The following INTS9 variants were observed in gnomAD, a reference collection of about 807,000 sequenced individuals.
The protein encoded by INTS9 is integrator complex subunit 9.
INTS9 carries 55 observed loss-of-function variants against 79.7 expected under a neutral mutation model. That is an observed-to-expected ratio of 0.69 (90% CI 0.56 to 0.86). The LOEUF (loss-of-function observed/expected upper bound fraction) is 0.86. Among genes scored for constraint, INTS9 ranks in the 40% least tolerant of loss-of-function variants. The pLI, the probability that INTS9 is intolerant of heterozygous loss-of-function variation, is 0.00. For missense variants in INTS9, 721 were observed against 831.5 expected (o/e 0.87, Z 1.64); for synonymous variants, 319 against 325.2 (o/e 0.98, Z 0.20).
chr8:28,876,558 C>A (rs1809399810), intron 1 of INTS9, among the ~76,000 whole-genome samples: 1 of 152,120 alleles, frequency 6.6e-6, no homozygotes, highest in Non-Finnish European at 1.5e-5. Flanking sequence ...GTCAGTATCA[C>A]AGTCACCTGA....
In INTS9 at chr8:28,767,907, CCTT is replaced by C; in HGVS notation, c.*236_*238del. ...GTCCCACTTCTGCCACCCTCCAGCT[CCTT>C]GAGAGAGCCAGAGTTGAGAAGAAAA... On this transcript the variant is annotated 3_prime_UTR_variant, in exon 17 of 17. Coordinates refer to ENST00000521022, the MANE Select transcript of INTS9 (RefSeq NM_018250.4). 1 of 507,082 alleles carries C rather than the reference CCTT, an allele frequency of 2.0e-6. No individual in the cohort carries two copies. Among genetic ancestry groups the C allele is most frequent in the South Asian group, 2.1e-5 (1 of 46,980 alleles). 31.4% of individuals were successfully genotyped at this position (507,082 alleles called of 1,614,324 possible).
Position 28,889,927 on chromosome 8 carries a change from C to T in INTS9, c.-45G>A, listed in dbSNP as rs772321948. ...AATAGCAGTCACTGAACTCCTCAAA[C>T]CCAGGAAGCGTCTTCCGGTGCAATC... On this transcript the variant is annotated 5_prime_UTR_variant, in exon 1 of 17. Coordinates refer to ENST00000521022, the MANE Select transcript of INTS9 (RefSeq NM_018250.4). 42 of 1,567,882 alleles carry T rather than the reference C, an allele frequency of 2.7e-5. No individual in the cohort carries two copies. In the South Asian group the frequency reaches 3.5e-4, roughly 13 times the overall value.
At chr8:28,786,665 A>G (rs1803607913) in intron 11 of INTS9, among the ~76,000 whole-genome samples, 1 of 152,244 alleles carries the variant, frequency 6.6e-6, no homozygotes, top group Non-Finnish European at 1.5e-5. Flanking sequence ...CTTTAGGAAC[A>G]AAACTGCGGA....
At position 28,793,953 on chromosome 8, in the gene INTS9, AACCAAC is replaced by A; in HGVS notation, c.885_890del (p.Leu296_Val297del). Reference sequence around the variant, plus strand: ...AGATCACTCCAGAAGGGTAGCAGGGAACCAACACGTTTCCTCCATTCCGGACTGTCA... The same window carrying A: ...AGATCACTCCAGAAGGGTAGCAGGGAACGTTTCCTCCATTCCGGACTGTCA... On this transcript the variant is annotated inframe_deletion, in exon 10 of 17. Coordinates refer to ENST00000521022, the MANE Select transcript of INTS9 (RefSeq NM_018250.4). 1 of 1,607,166 alleles carries A rather than the reference AACCAAC, an allele frequency of 6.2e-7. No individual in the cohort carries two copies. Among genetic ancestry groups the A allele is most frequent in the Non-Finnish European group, 8.5e-7 (1 of 1,175,778 alleles).
intron 9 of INTS9, among the ~76,000 whole-genome samples, chr8:28,794,458 A>G (rs1804087066): frequency 6.6e-6 from 1 of 152,192 alleles, no homozygotes; most frequent in Non-Finnish European, 1.5e-5. Flanking sequence ...CCTATACTTT[A>G]AGTACTTAGG....
At chr8:28,868,899 G>A (rs908005871) in intron 1 of INTS9, among the ~76,000 whole-genome samples, 7 of 152,134 alleles carry the variant, frequency 4.6e-5, no homozygotes, top group Non-Finnish European at 8.8e-5. Context: ...AGGAGTTCAA[G>A]ACCAGCCTGG....
In INTS9 at chr8:28,846,729, G is replaced by C. The variant is rs748180646; in HGVS notation, c.261+18C>G. The C allele has an allele frequency of 8.9e-5, 141 of 1,586,162 alleles. No homozygotes were observed. The highest frequency in any genetic ancestry group is 1.2e-4 in the Non-Finnish European group (138 of 1,154,740). ...ATAATAAGGTTTGTTTCTACAATAA[G>C]ATTCACCTTAATCTTACCTCTGGTA... On this transcript the variant is annotated intron_variant, in intron 4 of 16. Transcript: ENST00000521022.
chr8:28,847,099 C>A (rs1293547472), intron 3 of INTS9, among the ~76,000 whole-genome samples: 1 of 152,172 alleles, frequency 6.6e-6, no homozygotes, highest in African/African-American at 2.4e-5. Context: ...AACCCACAAT[C>A]CAGTGGTTTC....
At chr8:28,777,071 C>T (rs570071493) in intron 13 of INTS9, among the ~76,000 whole-genome samples, 25 of 152,248 alleles carry the variant, frequency 1.6e-4, no homozygotes, top group East Asian at 5.8e-4. Flanking sequence ...TGGGGTTCTC[C>T]GGCTTTCTCT....
At chr8:28,816,462 G>A (rs13260001) in intron 6 of INTS9, among the ~76,000 whole-genome samples, 28,959 of 150,848 alleles carry the variant, frequency 0.19, 3,074 homozygotes, top group East Asian at 0.46. Context: ...TTTCGTCCAT[G>A]TCCCTACAAA....
chr8:28,778,522 C>T (rs964517625), intron 12 of INTS9, among the ~76,000 whole-genome samples: 3 of 152,196 alleles, frequency 2.0e-5, no homozygotes, highest in South Asian at 2.1e-4. Flanking sequence ...CGCACGGCCC[C>T]GCCTCCAGGC....
intron 1 of INTS9, among the ~76,000 whole-genome samples, chr8:28,872,391 A>C (rs2131342611): frequency 6.6e-6 from 1 of 152,310 alleles, no homozygotes; most frequent in East Asian, 1.9e-4. Context: ...TTCCAAATGA[A>C]AAAGCTTATG....
At chr8:28,777,728 G>C in intron 13 of INTS9, 101 bp downstream of exon 13, 1 of 1,344,302 alleles carries the variant, frequency 7.4e-7, no homozygotes, top group Admixed American at 2.8e-5. Context: ...CTGAAGACAA[G>C]AATCAAACAC....
At chr8:28,801,993 G>A (rs977909899) in intron 8 of INTS9, among the ~76,000 whole-genome samples, 6 of 152,198 alleles carry the variant, frequency 3.9e-5, no homozygotes, top group African/African-American at 1.2e-4. Context: ...GGATCATGAA[G>A]TACAGGTGTG....
At chr8:28,858,869 T>C (rs1211008329) in intron 2 of INTS9, among the ~76,000 whole-genome samples, 1 of 152,268 alleles carries the variant, frequency 6.6e-6, no homozygotes, top group Non-Finnish European at 1.5e-5. Context: ...CTATAAACTG[T>C]TTCTAAATAG....
chr8:28,806,864 G>A (rs1316962648), intron 8 of INTS9, among the ~76,000 whole-genome samples: 1 of 152,118 alleles, frequency 6.6e-6, no homozygotes, highest in South Asian at 2.1e-4. Context: ...ATGTAACAGA[G>A]TAAAATTATA....
intron 10 of INTS9, among the ~76,000 whole-genome samples, chr8:28,791,508 C>T (rs1185292618): frequency 1.3e-5 from 2 of 152,222 alleles, no homozygotes; most frequent in Non-Finnish European, 2.9e-5. Context: ...GTGTTTCTGT[C>T]TGGCTGATTC....
rs545885574 is a variant in INTS9 at position 28,781,073 on chromosome 8, G to A, written c.1099-79C>T. The A allele has an allele frequency of 9.3e-5, 104 of 1,121,132 alleles. 1 individual carries two copies. Among genetic ancestry groups the A allele is most frequent in the South Asian group, 4.4e-4 (31 of 69,682 alleles). 69.4% of individuals were successfully genotyped at this position (1,121,132 alleles called of 1,614,324 possible). On this transcript the variant is annotated intron_variant, in intron 11 of 16. Coordinates refer to ENST00000521022, the MANE Select transcript of INTS9 (RefSeq NM_018250.4). Reference sequence around the variant, plus strand: ...GGAACCAAAGTACGGGAGGGTGAGCGGGACTGGATCTAAAATACCAACAAA... The same window carrying A: ...GGAACCAAAGTACGGGAGGGTGAGCAGGACTGGATCTAAAATACCAACAAA...
rs558020661 is a variant in INTS9 at position 28,864,216 on chromosome 8, C to T, written c.10-4653G>A. 1.3e-4 allele frequency among the ~76,000 whole-genome samples: 20 copies of T among 152,266 alleles called. No individual in the cohort carries two copies. In the East Asian group the frequency reaches 3.9e-3, roughly 29 times the overall value. On this transcript the variant is annotated intron_variant, in intron 1 of 16. Transcript: ENST00000521022. ...AAAATTAGCCAGGTGTGGTGGCACA[C>T]AACAGATGCCAGAAGACAATTGGAG...
Sources: gnomAD v4.1 joint callset for allele counts (sites outside exome capture counted in the v4.1 genomes callset) on GRCh38, gnomAD v4.1.1 for gene constraint, MANE v1.5 for transcripts, NCBI Gene and HGNC (gene_info 2026-07-23, HGNC 2026-07-21) for gene names.